The following RIC3 variants were observed in gnomAD, a reference collection of about 807,000 sequenced individuals.
RIC3 encodes protein RIC-3.
A neutral mutation model predicts 27.3 loss-of-function variants in RIC3; 28 were observed. The ratio of observed to expected loss-of-function variants is 1.02; its 90% CI spans 0.76 to 1.41. RIC3 has a LOEUF of 1.41. RIC3 is among the 40% of genes most tolerant of loss of function. The probability of loss-of-function intolerance (pLI) is 0.00; values close to 1 mark genes in which losing one functional copy is unlikely to be tolerated. For missense variants in RIC3, 501 were observed against 444.7 expected (o/e 1.13, Z -1.14); for synonymous variants, 184 against 160.4 (o/e 1.15, Z -1.11).
At chr11:8,100,693 G>A in the RIC3 span, 4 of 1,482,318 alleles carry the variant, frequency 2.7e-6, no homozygotes, top group African/African-American at 3.3e-5. Flanking sequence ...GTGTGTATGT[G>A]GAGGGGTACC....
chr11:8,101,367 T>C (rs1590001658), downstream of RIC3: 1 of 1,310,908 alleles, frequency 7.6e-7, no homozygotes, highest in Non-Finnish European at 1.1e-6. Context: ...GTGATTCCCC[T>C]GGCATCTCTG....
chr11:8,166,353 TAA>T (rs550593385), intron 1 of RIC3, among the ~76,000 whole-genome samples: 54 of 152,314 alleles, frequency 3.5e-4, no homozygotes, highest in African/African-American at 1.3e-3. Context: ...AAATATTTGT[TAA>T]AAGACTATCT....
chr11:8,139,240 T>C, intron 2 of RIC3: 1 of 152,610 alleles, frequency 6.6e-6, no homozygotes, highest in South Asian at 2.1e-4. Flanking sequence ...CCTGCAGAAT[T>C]CCTGGGCGAG....
At chr11:8,124,467 T>G (rs552536403) in intron 5 of RIC3, among the ~76,000 whole-genome samples, 2 of 152,220 alleles carry the variant, frequency 1.3e-5, no homozygotes, top group South Asian at 4.1e-4. Context: ...TTCTTCCAAA[T>G]TGATCTAAAG....
In RIC3 at chr11:8,126,713, T is replaced by C; in HGVS notation, c.616A>G (p.Arg206Gly). 1 of 1,614,196 alleles carries C rather than the reference T, an allele frequency of 6.2e-7. No homozygotes were observed. The highest frequency in any genetic ancestry group is 8.5e-7 in the Non-Finnish European group (1 of 1,180,026). ...RVMKEGKFID[R>G]FSPEKEAEEA... ...TCAGCTTCTTTCTCTGGAGAAAATC[T>C]GTCAATGAATTTTCCTTCTTTCATG... The change falls in exon 5 of 6, where the codon AGA (arginine) becomes GGA (glycine). Residue 206 changes from arginine to glycine, a missense_variant. Arg to Gly is a moderately radical substitution (Grantham distance 125). Transcript: ENST00000309737.
At chr11:8,093,283 G>A in the RIC3 span, among the ~76,000 whole-genome samples, 18 of 152,092 alleles carry the variant, frequency 1.2e-4, no homozygotes, top group African/African-American at 4.3e-4. Context: ...GCAGGAGCAA[G>A]GGCCCTGTGG....
intron 5 of RIC3, among the ~76,000 whole-genome samples, chr11:8,111,351 C>T (rs1459822833): frequency 1.3e-5 from 2 of 152,166 alleles, no homozygotes; most frequent in Non-Finnish European, 2.9e-5. Flanking sequence ...CAAACTAATT[C>T]AGATGAAAAT....
At chr11:8,119,887 T>C (rs899707403) in intron 5 of RIC3, among the ~76,000 whole-genome samples, 1 of 152,202 alleles carries the variant, frequency 6.6e-6, no homozygotes, top group Admixed American at 6.5e-5. Context: ...CAAAGGATTA[T>C]GAACAGACAC....
intron 1 of RIC3, among the ~76,000 whole-genome samples, chr11:8,164,404 G>A (rs904086626): frequency 6.6e-6 from 1 of 152,078 alleles, no homozygotes; most frequent in Non-Finnish European, 1.5e-5. Flanking sequence ...ACCACTGAAT[G>A]GAAGAAAATA....
At chr11:8,113,141 G>C (rs1333583153) in intron 5 of RIC3, among the ~76,000 whole-genome samples, 2 of 152,166 alleles carry the variant, frequency 1.3e-5, no homozygotes, top group African/African-American at 2.4e-5. Flanking sequence ...GCTAACCCAA[G>C]ACCCTCAGCC....
At chr11:8,163,331 T>A (rs939246263) in intron 1 of RIC3, among the ~76,000 whole-genome samples, 5 of 152,112 alleles carry the variant, frequency 3.3e-5, no homozygotes, top group Non-Finnish European at 7.4e-5. Context: ...TGCCCCCAGA[T>A]AACATTACAT....
chr11:8,097,342 C>T, the RIC3 span: 23 of 1,614,056 alleles, frequency 1.4e-5, no homozygotes, highest in Middle Eastern at 1.6e-4. Flanking sequence ...CATCAAATGC[C>T]GCATCACTCG....
intron 1 of RIC3, among the ~76,000 whole-genome samples, chr11:8,145,483 C>G (rs1949585710): frequency 6.6e-6 from 1 of 152,164 alleles, no homozygotes; most frequent in South Asian, 2.1e-4. Context: ...ATCCTAATTT[C>G]AAATTCCTTG....
At chr11:8,153,104 A>C (rs1202705481) in intron 1 of RIC3, among the ~76,000 whole-genome samples, 1 of 152,254 alleles carries the variant, frequency 6.6e-6, no homozygotes, top group East Asian at 1.9e-4. Flanking sequence ...GATGTTGAAA[A>C]AGTAAAAAAT....
chr11:8,142,379 T>C (rs1238932388), intron 1 of RIC3, among the ~76,000 whole-genome samples: 1 of 151,162 alleles, frequency 6.6e-6, no homozygotes, highest in African/African-American at 2.5e-5. Flanking sequence ...CAAACTACCA[T>C]CAGAGAATAC....
At chr11:8,155,451 C>G (rs994378919) in intron 1 of RIC3, among the ~76,000 whole-genome samples, 1 of 151,974 alleles carries the variant, frequency 6.6e-6, no homozygotes, top group East Asian at 1.9e-4. Context: ...TGGCACATGC[C>G]TATAATCCCA....
At chr11:8,145,781 A>ACC (rs1949616268) in intron 1 of RIC3, among the ~76,000 whole-genome samples, 1 of 152,216 alleles carries the variant, frequency 6.6e-6, no homozygotes, top group South Asian at 2.1e-4. Context: ...ATGAAAAACC[A>ACC]CCAGGAGATA....
At chr11:8,100,937 T>C in the RIC3 span, 1 of 1,614,016 alleles carries the variant, frequency 6.2e-7, no homozygotes, top group Non-Finnish European at 8.5e-7. Flanking sequence ...TGTACTCAAC[T>C]TCCATGGGCG....
intron 5 of RIC3, among the ~76,000 whole-genome samples, chr11:8,121,217 T>C (rs1246455816): frequency 6.6e-6 from 1 of 152,146 alleles, no homozygotes; most frequent in African/African-American, 2.4e-5. Context: ...TCCATATAAT[T>C]TCAACAAAAC....
Sources: gnomAD v4.1 joint callset for allele counts (sites outside exome capture counted in the v4.1 genomes callset) on GRCh38, gnomAD v4.1.1 for gene constraint, MANE v1.5 for transcripts, NCBI Gene and HGNC (gene_info 2026-07-23, HGNC 2026-07-21) for gene names.